The following IKZF5 variants were observed in gnomAD, a reference collection of about 807,000 sequenced individuals.
IKZF5 encodes zinc finger protein Pegasus.
A neutral mutation model predicts 30.7 loss-of-function variants in IKZF5; 4 were observed. The ratio of observed to expected loss-of-function variants is 0.13; its 90% CI spans 0.06 to 0.30. IKZF5 has a LOEUF of 0.30. Among genes scored for constraint, IKZF5 ranks in the 10% least tolerant of loss-of-function variants. IKZF5 has a pLI of 1.00. For synonymous variants in IKZF5, 148 were observed against 179.6 expected (o/e 0.82, Z 1.41); for missense variants, 348 against 525.5 (o/e 0.66, Z 3.30).
Position 123,001,860 on chromosome 10 carries a change from A to G in IKZF5, c.-46-3189T>C, listed in dbSNP as rs139745382. 7.4e-3 allele frequency among the ~76,000 whole-genome samples: 1,129 copies of G among 152,338 alleles called. 14 individuals are homozygous for G. Among genetic ancestry groups the G allele is most frequent in the African/African-American group, 0.026 (1,075 of 41,576 alleles). ...GGTTGAGGAATGAGGGGGTTCTGCAAAAGCAGATTTTCCAATTTACAAAAA... is the reference window on the plus strand; with the variant it reads ...GGTTGAGGAATGAGGGGGTTCTGCAGAAGCAGATTTTCCAATTTACAAAAA... On this transcript the variant is annotated intron_variant, in intron 2 of 4. Coordinates refer to ENST00000368886, the MANE Select transcript of IKZF5 (RefSeq NM_001372123.1).
intron 2 of IKZF5, among the ~76,000 whole-genome samples, chr10:123,004,221 G>T (rs761767283): frequency 6.6e-6 from 1 of 151,912 alleles, no homozygotes; most frequent in Non-Finnish European, 1.5e-5. Flanking sequence ...AATTATAAAA[G>T]CTATAATTAA....
intron 2 of IKZF5, among the ~76,000 whole-genome samples, chr10:123,001,548 A>C (rs73371593): frequency 0.023 from 3,501 of 152,178 alleles, 142 homozygotes; most frequent in African/African-American, 0.081. Context: ...TTTTTTCCAA[A>C]GAGATATCCA....
chr10:122,994,379 T>G lies in IKZF5; in HGVS notation c.661A>C (p.Asn221His). 6.2e-7 allele frequency: 1 copy of G among 1,614,076 alleles called. No homozygotes were observed. Among genetic ancestry groups the G allele is most frequent in the Non-Finnish European group, 8.5e-7 (1 of 1,180,002 alleles). Residue 221 changes from asparagine (N) to histidine (H), a missense_variant, in exon 5 of 5, where the codon AAT becomes CAT. Around this residue, in one of 4 missense-constraint regions of IKZF5, gnomAD observed 176 missense variants for 198.2 expected, o/e 0.89. Coordinates refer to ENST00000368886, the MANE Select transcript of IKZF5 (RefSeq NM_001372123.1). This position sits in a 1 kb window ranked among gnomAD's most constrained non-coding sequence, Gnocchi z 5.6. ...YLNDFTHEIP[N>H]IQTDSYESMA... ...CTTTCATAGGAGTCAGTCTGGATAT[T>G]TGGGATTTCGTGGGTAAAATCGTTA...
rs1849927963 is a variant in IKZF5 at position 123,008,736 on chromosome 10, T to TGCCGTC, written c.-246_-241dup. ...GAGTAAACCACACCGCCTTGTTAAA[T>TGCCGTC]GCCGTCGCCGCCGCCGCCGTCTTCG... On this transcript the variant is annotated 5_prime_UTR_variant, in exon 1 of 5. Coordinates refer to ENST00000368886, the MANE Select transcript of IKZF5 (RefSeq NM_001372123.1). 3 of 579,756 alleles carry TGCCGTC rather than the reference T, an allele frequency of 5.2e-6. No homozygotes were observed. The highest frequency in any genetic ancestry group is 3.0e-5 in the Admixed American group (1 of 33,814). 35.9% of individuals were successfully genotyped at this position (579,756 alleles called of 1,614,324 possible). A position where few individuals can be genotyped will look rare whatever the true frequency, so the allele number is the denominator to read the frequency against.
At chr10:122,997,947 A>G (rs1244914447) in intron 3 of IKZF5, among the ~76,000 whole-genome samples, 1 of 152,190 alleles carries the variant, frequency 6.6e-6, no homozygotes, top group Non-Finnish European at 1.5e-5. Flanking sequence ...CCCACGGGCT[A>G]TAGTTTGCTG....
chr10:122,993,085 G>A lies in IKZF5; in HGVS notation c.*695C>T, dbSNP rs1315669757. On this transcript the variant is annotated 3_prime_UTR_variant, in exon 5 of 5. Coordinates refer to ENST00000368886, the MANE Select transcript of IKZF5 (RefSeq NM_001372123.1). ...GGGGAAAAAGGCATCTAGCACTCTA[G>A]TGTATTTACCTGTGAAAATAAAAAT... 2 of 152,448 alleles carry A rather than the reference G, an allele frequency of 1.3e-5. No homozygotes were observed. The highest frequency in any genetic ancestry group is 1.3e-4 in the Admixed American group (2 of 15,286). The allele number at this position is 152,448 out of a possible 1,614,324, so 9.4% of individuals were successfully genotyped here.
chr10:123,003,039 T>C (rs899921767), intron 2 of IKZF5, among the ~76,000 whole-genome samples: 17 of 151,598 alleles, frequency 1.1e-4, no homozygotes, highest in African/African-American at 3.9e-4. Context: ...CTTTTCTTTT[T>C]TTTTTTTTGA....
intron 2 of IKZF5, among the ~76,000 whole-genome samples, chr10:123,006,049 G>C (rs1849768302): frequency 2.0e-5 from 3 of 152,126 alleles, no homozygotes; most frequent in African/African-American, 7.2e-5. Context: ...TGGGGTGTAG[G>C]TGGATATCTA....
Position 122,993,621 on chromosome 10 carries a change from A to G in IKZF5, c.*159T>C. 2.0e-6 allele frequency: 1 copy of G among 509,124 alleles called. No homozygotes were observed. Among genetic ancestry groups the G allele is most frequent in the Non-Finnish European group, 3.4e-6 (1 of 295,352 alleles). 31.5% of individuals were successfully genotyped at this position (509,124 alleles called of 1,614,324 possible). On this transcript the variant is annotated 3_prime_UTR_variant, in exon 5 of 5. Coordinates refer to ENST00000368886, the MANE Select transcript of IKZF5 (RefSeq NM_001372123.1). ...ATGACCCTGACCAGATTTTTATGAAAAAAAGGGGAAATTTTATTCCACTGA... is the reference window on the plus strand; with the variant it reads ...ATGACCCTGACCAGATTTTTATGAAGAAAAGGGGAAATTTTATTCCACTGA...
chr10:122,995,881 A>T, intron 4 of IKZF5, 113 bp downstream of exon 4: 3 of 999,096 alleles, frequency 3.0e-6, no homozygotes, highest in Non-Finnish European at 4.4e-6. Flanking sequence ...TTCGAACTTT[A>T]CATAAACCTT....
chr10:122,998,803 G>A (rs763567333), intron 2 of IKZF5, 132 bp from the exon 3 acceptor site: 15 of 405,452 alleles, frequency 3.7e-5, no homozygotes, highest in Non-Finnish European at 6.5e-5. Flanking sequence ...TAATCTTACT[G>A]GTGAACTAAA....
At chr10:122,999,313 T>C (rs1361795964) in intron 2 of IKZF5, among the ~76,000 whole-genome samples, 1 of 152,026 alleles carries the variant, frequency 6.6e-6, no homozygotes, top group African/African-American at 2.4e-5. Flanking sequence ...ATGTTATTAA[T>C]TTAAATAGAA....
At chr10:123,007,653 CTATCA>C (rs1310419205) in intron 1 of IKZF5, among the ~76,000 whole-genome samples, 2 of 152,142 alleles carry the variant, frequency 1.3e-5, no homozygotes, top group African/African-American at 4.8e-5. Flanking sequence ...CCTTCTTATC[CTATCA>C]TAACACAAAA....
At position 122,991,471 on chromosome 10, in the gene IKZF5, CCAA is replaced by C. The variant is rs772745104; in HGVS notation, c.*2306_*2308del. 3.0e-4 allele frequency: 46 copies of C among 152,222 alleles called. No individual in the cohort carries two copies. Among genetic ancestry groups the C allele is most frequent in the Non-Finnish European group, 5.1e-4 (35 of 67,980 alleles). 9.4% of individuals were successfully genotyped at this position (152,222 alleles called of 1,614,324 possible). ...ATAAATAGTGCATGTTAAACTCTTC[CCAA>C]CAACTCATTTCTATAAAATATTTGA... On this transcript the variant is annotated 3_prime_UTR_variant, in exon 5 of 5. Transcript: ENST00000368886.
At chr10:123,003,034 C>CT (rs761759302) in intron 2 of IKZF5, among the ~76,000 whole-genome samples, 11,079 of 141,546 alleles carry the variant, frequency 0.078, 459 homozygotes, top group Middle Eastern at 0.17. Context: ...TTTTTCTTTT[C>CT]TTTTTTTTTT....
rs185325111 is a variant in IKZF5 at position 123,002,443 on chromosome 10, C to G, written c.-46-3772G>C. Among the ~76,000 whole-genome samples, 245 of 151,686 alleles carry G rather than the reference C, an allele frequency of 1.6e-3. 2 individuals carry two copies. The highest frequency in any genetic ancestry group is 0.01 in the Middle Eastern group (3 of 294). On this transcript the variant is annotated intron_variant, in intron 2 of 4. Transcript: ENST00000368886. ...GCTGAGGCAGGAGAATCGCTTGAAC[C>G]CGGGAGGCAGAGGTTGCAGTGAGCC...
chr10:122,998,421 C>G, intron 3 of IKZF5, 72 bp downstream of exon 3: 1 of 1,310,930 alleles, frequency 7.6e-7, no homozygotes, highest in Non-Finnish European at 1.1e-6. Flanking sequence ...GTGGTCTTCA[C>G]AGTAACAGCT....
intron 3 of IKZF5, among the ~76,000 whole-genome samples, chr10:122,997,921 A>T (rs1198823418): frequency 6.6e-6 from 1 of 152,228 alleles, no homozygotes; most frequent in Non-Finnish European, 1.5e-5. Context: ...ATACAAAAAC[A>T]GCAGTCCAGA....
rs1019859492 is a variant in IKZF5, at chr10:123,008,676, C to T, written c.-198+18G>A. 32 of 420,014 alleles carry T rather than the reference C, an allele frequency of 7.6e-5. No homozygotes were observed. The highest frequency in any genetic ancestry group is 1.0e-4 in the Non-Finnish European group (23 of 222,720). 26.0% of individuals were successfully genotyped at this position (420,014 alleles called of 1,614,324 possible). ...CCTGCCGCGTCGCCGCCGTCCGAGC[C>T]GGCAGCCTGCTACTTACCTCCTGAC... On this transcript the variant is annotated intron_variant, in intron 1 of 4. Transcript: ENST00000368886.
Sources: gnomAD v4.1 joint callset for allele counts (sites outside exome capture counted in the v4.1 genomes callset) on GRCh38, gnomAD v4.1.1 for gene constraint, gnomAD v4.1.1 regional missense constraint, Gnocchi (gnomAD v3.1) non-coding constraint, MANE v1.5 for transcripts, NCBI Gene and HGNC (gene_info 2026-07-23, HGNC 2026-07-21) for gene names.